Variants in CENPP observed in about 807,000 individuals in gnomAD.
CENPP encodes centromere protein P.
Under a neutral mutation model 35.6 loss-of-function variants are expected in CENPP, and 24 were observed. The observed-to-expected ratio is 0.67, with a 90% CI of 0.49 to 0.95. CENPP has a LOEUF of 0.95. Among genes scored for constraint, CENPP ranks in the 40% least tolerant of loss-of-function variants. CENPP has a pLI of 0.00. For synonymous variants in CENPP, 120 were observed against 125.5 expected, an observed-to-expected ratio of 0.96 and a Z score of 0.29; for missense variants, 332 against 345.3, an observed-to-expected ratio of 0.96 and a Z score of 0.31.
chr9:92,618,137 C>A lies in CENPP; in HGVS notation c.*4988C>A. ...GCCACTGCGCACACCTTCCTGGAAGCAGGCCCAGCCCCACACGCCATGTTC... is the reference window on the plus strand; with the variant it reads ...GCCACTGCGCACACCTTCCTGGAAGAAGGCCCAGCCCCACACGCCATGTTC... On this transcript the variant is annotated 3_prime_UTR_variant, in exon 8 of 8. Transcript: ENST00000375587. 2.3e-6 allele frequency: 1 copy of A among 425,794 alleles called. No individual in the cohort carries two copies. The highest frequency in any genetic ancestry group is 2.6e-5 in the Admixed American group (1 of 38,288). The allele number at this position is 425,794 out of a possible 1,614,324, so 26.4% of individuals were successfully genotyped here.
intron 5 of CENPP, among the ~76,000 whole-genome samples, chr9:92,391,093 C>A (rs985793043): frequency 1.3e-5 from 2 of 151,732 alleles, no homozygotes; most frequent in African/African-American, 4.8e-5. Context: ...AGCGCAACCT[C>A]ATCTCTATTA....
intron 5 of CENPP, among the ~76,000 whole-genome samples, chr9:92,598,210 G>C (rs1213063160): frequency 1.3e-5 from 2 of 152,134 alleles, no homozygotes; most frequent in African/African-American, 2.4e-5. Flanking sequence ...GCTCCTCTCT[G>C]TCTGGGCTGG....
chr9:92,604,167 G>A (rs1316371101), intron 5 of CENPP, among the ~76,000 whole-genome samples: 1 of 152,212 alleles, frequency 6.6e-6, no homozygotes, highest in Non-Finnish European at 1.5e-5. Context: ...AGCAGTGTAT[G>A]TTAGTTCCAG....
At chr9:92,449,748 C>T (rs1163345702) in intron 5 of CENPP, among the ~76,000 whole-genome samples, 1 of 152,028 alleles carries the variant, frequency 6.6e-6, no homozygotes, top group Non-Finnish European at 1.5e-5. Context: ...AAGTGTGTGG[C>T]ACCTCCCCTT....
rs190778506 is a variant in CENPP at position 92,332,127 on chromosome 9, G to A, written c.108-43G>A. ...AAAATGGGGTTATTAGATGAAACAC[G>A]TGTTAGTAATTGGAGTGATTATTTT... On this transcript the variant is annotated intron_variant, in intron 1 of 7. Transcript: ENST00000375587. The A allele has an allele frequency of 2.7e-5, 36 of 1,347,530 alleles. 1 individual carries two copies. The East Asian group carries it at 6.6e-4, about 25-fold the overall frequency. 83.5% of individuals were successfully genotyped at this position (1,347,530 alleles called of 1,614,324 possible). A position where few individuals can be genotyped will look rare whatever the true frequency, so the allele number is the denominator to read the frequency against.
intron 5 of CENPP, among the ~76,000 whole-genome samples, chr9:92,579,153 G>GA (rs1183823629): frequency 1.3e-5 from 2 of 148,722 alleles, no homozygotes; most frequent in Non-Finnish European, 3.0e-5. Context: ...CTGTTCCATT[G>GA]ATCTATATCT....
chr9:92,389,628 T>C (rs1842584319), intron 5 of CENPP: 2 of 365,658 alleles, frequency 5.5e-6, no homozygotes, highest in Admixed American at 8.8e-5. Context: ...AGAAACAAAA[T>C]AGTCCCATGA....
chr9:92,478,662 A>G (rs1365294687), intron 5 of CENPP, among the ~76,000 whole-genome samples: 2 of 152,102 alleles, frequency 1.3e-5, no homozygotes, highest in African/African-American at 2.4e-5. Flanking sequence ...CATGTTGGCC[A>G]GGCAGGTCTT....
rs1845240979 is a variant in CENPP, at chr9:92,464,725, A to T, written c.564+84866A>T. 8 of 689,242 alleles carry T rather than the reference A, an allele frequency of 1.2e-5. No homozygotes were observed. In the South Asian group the frequency reaches 1.2e-4, roughly 10 times the overall value. The allele number at this position is 689,242 out of a possible 1,614,324, so 42.7% of individuals were successfully genotyped here. On this transcript the variant is annotated intron_variant, in intron 5 of 7. Coordinates refer to ENST00000375587, the MANE Select transcript of CENPP (RefSeq NM_001012267.3). ...GTTTATTCTTAGTGGAGTAAAAAAAATTGTGGCTTAATTCTGTCAGGAAAA... is the reference window on the plus strand; with the variant it reads ...GTTTATTCTTAGTGGAGTAAAAAAATTTGTGGCTTAATTCTGTCAGGAAAA...
chr9:92,340,948 C>A (rs1444514295), intron 3 of CENPP, among the ~76,000 whole-genome samples: 1 of 152,140 alleles, frequency 6.6e-6, no homozygotes, highest in East Asian at 1.9e-4. Context: ...GGAACAGAGC[C>A]ATATTTCTCT....
At chr9:92,542,855 A>G (rs1023794449) in intron 5 of CENPP, among the ~76,000 whole-genome samples, 6 of 152,166 alleles carry the variant, frequency 3.9e-5, no homozygotes, top group South Asian at 4.1e-4. Flanking sequence ...TAGATCTTAC[A>G]TTTAATTCAT....
intron 5 of CENPP, chr9:92,457,300 G>T: frequency 3.7e-6 from 6 of 1,613,748 alleles, no homozygotes; most frequent in African/African-American, 2.7e-5. Flanking sequence ...ACATTCCAAA[G>T]TTCCCAAGCT....
At chr9:92,402,028 TA>T (rs1174530924) in intron 5 of CENPP, among the ~76,000 whole-genome samples, 1 of 152,180 alleles carries the variant, frequency 6.6e-6, no homozygotes, top group Admixed American at 6.5e-5. Context: ...ACTCCACAAA[TA>T]TCTTAGACCC....
At chr9:92,523,320 A>G (rs1848193307) in intron 5 of CENPP, among the ~76,000 whole-genome samples, 1 of 152,210 alleles carries the variant, frequency 6.6e-6, no homozygotes, top group Non-Finnish European at 1.5e-5. Context: ...CAGATAGTAA[A>G]TATTTGAGGC....
At chr9:92,516,723 A>T (rs935419943) in intron 5 of CENPP, 1 of 152,202 alleles carries the variant, frequency 6.6e-6, no homozygotes, top group Non-Finnish European at 1.5e-5. Context: ...TACTTTGTAA[A>T]CCTTGTATTT....
chr9:92,417,962 A>C (rs1843668860), intron 5 of CENPP, among the ~76,000 whole-genome samples: 1 of 152,162 alleles, frequency 6.6e-6, no homozygotes, highest in Admixed American at 6.5e-5. Flanking sequence ...TCCTGACCTC[A>C]AGGGATCCTC....
chr9:92,379,346 G>C (rs955342139), intron 4 of CENPP, among the ~76,000 whole-genome samples: 1 of 152,176 alleles, frequency 6.6e-6, no homozygotes, highest in East Asian at 1.9e-4. Flanking sequence ...TCTGCAATAC[G>C]TAGAAGCCAC....
intron 5 of CENPP, chr9:92,459,726 C>T: frequency 6.2e-7 from 1 of 1,613,410 alleles, no homozygotes; most frequent in Non-Finnish European, 8.5e-7. Flanking sequence ...GTTAGCAAGA[C>T]TCCCATTTTC....
chr9:92,599,385 G>C (rs1281607422), intron 5 of CENPP, among the ~76,000 whole-genome samples: 1 of 152,006 alleles, frequency 6.6e-6, no homozygotes, highest in Non-Finnish European at 1.5e-5. Flanking sequence ...GGGATTGTGT[G>C]GTCAGTAGTT....
Sources: allele counts gnomAD v4.1 joint callset (sites outside exome capture counted in the v4.1 genomes callset), GRCh38; gene constraint gnomAD v4.1.1; transcripts MANE v1.5; gene names NCBI Gene and HGNC (gene_info 2026-07-23, HGNC 2026-07-21).